CTNNAL1: variants seen among roughly 807,000 people sequenced by gnomAD.
CTNNAL1 encodes the protein alpha-catulin.
CTNNAL1 carries 69 observed loss-of-function variants against 93.6 expected under a neutral mutation model. The observed-to-expected ratio is 0.74, with a 90% CI of 0.61 to 0.90. The LOEUF is 0.90. CTNNAL1 is among the 40% of genes least tolerant of loss of function. The pLI is 0.00. For missense variants in CTNNAL1, 836 were observed against 862.0 expected, an observed-to-expected ratio of 0.97 and a Z score of 0.38; for synonymous variants, 286 against 305.4, an observed-to-expected ratio of 0.94 and a Z score of 0.66.
Position 108,950,357 on chromosome 9 carries a change from G to A in CTNNAL1, c.1835+1852C>T, listed in dbSNP as rs546370615. On this transcript the variant is annotated intron_variant, in intron 14 of 18. Coordinates refer to ENST00000325551, the MANE Select transcript of CTNNAL1 (RefSeq NM_003798.4). ...TCATGTTGGGAAGACTCAATCACAGGATAAGCTTGCTAACAACAGTTAAGA... is the reference window on the plus strand; with the variant it reads ...TCATGTTGGGAAGACTCAATCACAGAATAAGCTTGCTAACAACAGTTAAGA... The A allele has an allele frequency of 2.4e-5, 20 of 845,066 alleles. No individual in the cohort carries two copies. In the South Asian group the frequency reaches 3.6e-4, roughly 15 times the overall value. The allele number at this position is 845,066 out of a possible 1,614,324, so 52.3% of individuals were successfully genotyped here.
At chr9:108,979,068 A>T (rs1831346090) in intron 7 of CTNNAL1, among the ~76,000 whole-genome samples, 1 of 152,198 alleles carries the variant, frequency 6.6e-6, no homozygotes, top group South Asian at 2.1e-4. Flanking sequence ...GGCTAGAATG[A>T]GAGTCAACAG....
chr9:108,977,064 A>C lies in CTNNAL1; in HGVS notation c.1102-16T>G. ...TCTTGCTTTGCTAAAAATTTTAAAA[A>C]GTATACATGTAATGTTACCGCATCT... On this transcript the variant is annotated splice_polypyrimidine_tract_variant and intron_variant, in intron 7 of 18. Coordinates refer to ENST00000325551, the MANE Select transcript of CTNNAL1 (RefSeq NM_003798.4). The C allele has an allele frequency of 1.6e-6, 2 of 1,279,040 alleles. No homozygotes were observed. Among genetic ancestry groups the C allele is most frequent in the Non-Finnish European group, 2.2e-6 (2 of 926,076 alleles). The allele number at this position is 1,279,040 out of a possible 1,614,324, so 79.2% of individuals were successfully genotyped here. A position where few individuals can be genotyped will look rare whatever the true frequency, so the allele number is the denominator to read the frequency against.
At position 108,965,370 on chromosome 9, in the gene CTNNAL1, T is replaced by C. The variant is rs778718962; in HGVS notation, c.1591+8A>G. ...ATAACATATTTCATTATGTGGACAG[T>C]TTCTCACCTCGTCTTCCTTCAAACA... On this transcript the variant is annotated splice_region_variant and intron_variant, in intron 11 of 18. Coordinates refer to ENST00000325551, the MANE Select transcript of CTNNAL1 (RefSeq NM_003798.4). 6.2e-6 allele frequency: 9 copies of C among 1,440,920 alleles called. No individual in the cohort carries two copies. Among genetic ancestry groups the C allele is most frequent in the Non-Finnish European group, 8.3e-6 (9 of 1,087,294 alleles). The allele number at this position is 1,440,920 out of a possible 1,614,324, so 89.3% of individuals were successfully genotyped here. A position where few individuals can be genotyped will look rare whatever the true frequency, so the allele number is the denominator to read the frequency against.
intron 16 of CTNNAL1, 32 bp from the exon 17 acceptor site, chr9:108,943,848 C>G (rs1358746391): frequency 1.9e-6 from 3 of 1,606,446 alleles, no homozygotes. Flanking sequence ...TATAACAGCC[C>G]GCAACAAAAC....
intron 2 of CTNNAL1, among the ~76,000 whole-genome samples, chr9:108,994,463 T>G (rs1168622415): frequency 6.6e-6 from 1 of 152,220 alleles, no homozygotes; most frequent in Non-Finnish European, 1.5e-5. Flanking sequence ...CTCAAAGTTG[T>G]AAACCTAAGT....
chr9:108,959,626 G>A (rs1009549214), intron 11 of CTNNAL1, among the ~76,000 whole-genome samples: 5 of 152,028 alleles, frequency 3.3e-5, no homozygotes, highest in Non-Finnish European at 5.9e-5. Context: ...ATGTTTAGCT[G>A]TTATATCAAA....
Position 108,943,952 on chromosome 9 carries a change from C to A in CTNNAL1, c.1941+10G>T. On this transcript the variant is annotated intron_variant, in intron 16 of 18. Transcript: ENST00000325551. ...CCACCACCAGCTCCAGGTAGGTAGA[C>A]ATGTGTTACCTGTTTTGAAAAAGCT... The A allele has an allele frequency of 1.2e-6, 2 of 1,612,696 alleles. No individual in the cohort carries two copies. Among genetic ancestry groups the A allele is most frequent in the Admixed American group, 1.7e-5 (1 of 59,796 alleles).
At chr9:108,986,969 T>G (rs1166283204) in intron 4 of CTNNAL1, among the ~76,000 whole-genome samples, 3 of 152,318 alleles carry the variant, frequency 2.0e-5, no homozygotes, top group South Asian at 2.1e-4. Context: ...TTTCTCCCAA[T>G]TTGTAGGTTG....
At chr9:108,984,513 C>T in intron 4 of CTNNAL1, 77 bp from the exon 5 acceptor site, 1 of 664,746 alleles carries the variant, frequency 1.5e-6, no homozygotes, top group Non-Finnish European at 2.6e-6. Flanking sequence ...ATTTATTCAA[C>T]ACTAATACTC....
intron 4 of CTNNAL1, among the ~76,000 whole-genome samples, chr9:108,990,112 A>G (rs1401111518): frequency 6.6e-6 from 1 of 152,208 alleles, no homozygotes; most frequent in Non-Finnish European, 1.5e-5. Flanking sequence ...AGAACTACAG[A>G]CTTTAGAATC....
At chr9:108,950,508 G>A in intron 14 of CTNNAL1, 4 of 1,548,830 alleles carry the variant, frequency 2.6e-6, no homozygotes, top group Non-Finnish European at 3.5e-6. Context: ...TTTTTCCAGA[G>A]AATTATCTAT....
chr9:108,955,111 T>A (rs963657163), intron 12 of CTNNAL1, among the ~76,000 whole-genome samples: 2 of 152,124 alleles, frequency 1.3e-5, no homozygotes, highest in African/African-American at 4.8e-5. Context: ...TACAGGCCTC[T>A]GCCACCACGC....
chr9:109,011,457 C>G (rs939821573), intron 1 of CTNNAL1, among the ~76,000 whole-genome samples: 1 of 152,176 alleles, frequency 6.6e-6, no homozygotes, highest in Admixed American at 6.5e-5. Context: ...CCTCTGCTCT[C>G]CTACCCTTCT....
intron 1 of CTNNAL1, among the ~76,000 whole-genome samples, chr9:109,001,310 G>C (rs73527203): frequency 0.064 from 9,689 of 152,084 alleles, 1,045 homozygotes; most frequent in African/African-American, 0.22. Context: ...ACAGGAAAGT[G>C]ATATAATCTC....
chr9:109,003,152 T>TGGTTG, intron 1 of CTNNAL1, among the ~76,000 whole-genome samples: 1 of 152,304 alleles, frequency 6.6e-6, no homozygotes, highest in East Asian at 1.9e-4. Context: ...AGGTGTTGCT[T>TGGTTG]CAGACAACCA....
Position 108,999,130 on chromosome 9 carries a change from C to T in CTNNAL1, c.268G>A (p.Ala90Thr), listed in dbSNP as rs984296142. Residue 90 changes from alanine to threonine, a missense_variant, in exon 2 of 19, where the codon GCC (alanine) becomes ACC (threonine). By Grantham distance (58) the Ala-to-Thr change is moderately conservative. Transcript: ENST00000325551. The part of the protein sequence containing the change: ...GRFVKVGEAI[A>T]NENWDLKEEI... ...TCTTTCAAATCCCAGTTTTCATTGGCTATAGCTTCTCCTACTTTAACAAAT... is the reference window on the plus strand; with the variant it reads ...TCTTTCAAATCCCAGTTTTCATTGGTTATAGCTTCTCCTACTTTAACAAAT... 1 of 1,613,590 alleles carries T rather than the reference C, an allele frequency of 6.2e-7. No homozygotes were observed. Among genetic ancestry groups the T allele is most frequent in the Non-Finnish European group, 8.5e-7 (1 of 1,179,816 alleles).
chr9:108,957,221 G>A (rs1044538163), intron 11 of CTNNAL1, among the ~76,000 whole-genome samples: 10 of 150,400 alleles, frequency 6.6e-5, no homozygotes, highest in East Asian at 2.0e-4. Context: ...CCTGGGCTCC[G>A]GTGGTCCTCC....
At chr9:108,982,404 A>T (rs907646991) in intron 6 of CTNNAL1, among the ~76,000 whole-genome samples, 1 of 152,230 alleles carries the variant, frequency 6.6e-6, no homozygotes, top group African/African-American at 2.4e-5. Context: ...TTTAATTATT[A>T]CTAATACTAT....
intron 11 of CTNNAL1, among the ~76,000 whole-genome samples, chr9:108,961,912 T>C (rs1564127669): frequency 6.6e-6 from 1 of 152,178 alleles, no homozygotes. Context: ...CTCTCAGTCA[T>C]TTCTGAAATA....
Sources: allele counts gnomAD v4.1 joint callset (sites outside exome capture counted in the v4.1 genomes callset), GRCh38; gene constraint gnomAD v4.1.1; transcripts MANE v1.5; gene names NCBI Gene and HGNC (gene_info 2026-07-23, HGNC 2026-07-21).